Variants in IGSF21 observed in about 807,000 individuals in gnomAD.
IGSF21 encodes immunoglobin superfamily member 21.
A neutral mutation model predicts 46.8 loss-of-function variants in IGSF21; 28 were observed. The observed-to-expected ratio is 0.60, with a 90% confidence interval of 0.44 to 0.82. The LOEUF (loss-of-function observed/expected upper bound fraction) is 0.82. IGSF21 is among the 40% of genes least tolerant of loss of function. IGSF21 has a pLI of 0.00. For synonymous variants in IGSF21, 284 were observed against 273.6 expected, an observed-to-expected ratio of 1.04 and a Z score of -0.38; for missense variants, 624 against 665.5, an observed-to-expected ratio of 0.94 and a Z score of 0.69.
intron 4 of IGSF21, among the ~76,000 whole-genome samples, chr1:18,359,380 A>C (rs927000440): frequency 1.2e-4 from 13 of 105,804 alleles, no homozygotes; most frequent in African/African-American, 5.0e-4. Flanking sequence ...GAAAGAAAGA[A>C]AGAAAGGAAG....
At chr1:18,316,691 G>A (rs1442041816) in intron 3 of IGSF21, among the ~76,000 whole-genome samples, 2 of 151,966 alleles carry the variant, frequency 1.3e-5, no homozygotes, top group Non-Finnish European at 2.9e-5. Context: ...TGTAACTCTG[G>A]GCATCTTATT....
At chr1:18,142,027 G>T (rs1570262333) in intron 1 of IGSF21, among the ~76,000 whole-genome samples, 1 of 152,078 alleles carries the variant, frequency 6.6e-6, no homozygotes, top group Non-Finnish European at 1.5e-5. Flanking sequence ...CCAAGATTGT[G>T]CCACTGCATT....
At chr1:18,153,040 C>T (rs1224002586) in intron 1 of IGSF21, among the ~76,000 whole-genome samples, 1 of 152,150 alleles carries the variant, frequency 6.6e-6, no homozygotes, top group South Asian at 2.1e-4. Context: ...TGCAGTGTGC[C>T]GGCCAACAAT....
At chr1:18,354,703 G>T (rs1178771753) in intron 4 of IGSF21, among the ~76,000 whole-genome samples, 4 of 151,998 alleles carry the variant, frequency 2.6e-5, no homozygotes, top group African/African-American at 2.4e-5. Context: ...AAGCACCTTC[G>T]TAGAGTGGTA....
At chr1:18,298,208 G>T (rs537664796) in intron 3 of IGSF21, among the ~76,000 whole-genome samples, 3 of 152,194 alleles carry the variant, frequency 2.0e-5, no homozygotes, top group Non-Finnish European at 4.4e-5. Flanking sequence ...GAAGGGTATG[G>T]CATGCTCTGA....
In IGSF21 at chr1:18,365,350, C is replaced by T; in HGVS notation, c.668C>T (p.Thr223Ile). Reference sequence around the variant, plus strand: ...CTTCTGCACCGTGACCTGGATGACACCAAGATGCAGAAGTCACTGTCCCTC... The same window carrying T: ...CTTCTGCACCGTGACCTGGATGACATCAAGATGCAGAAGTCACTGTCCCTC... The part of the protein sequence containing the change: ...RSLLHRDLDD[T>I]KMQKSLSLLD... Residue 223 changes from threonine to isoleucine, a missense_variant, in exon 6 of 10, where the codon ACC (threonine) becomes ATC (isoleucine). By Grantham distance (89) the Thr-to-Ile change is moderately conservative. Coordinates refer to ENST00000251296, the MANE Select transcript of IGSF21 (RefSeq NM_032880.5). The surrounding 1 kb of genome is among the most constrained non-coding windows in gnomAD (Gnocchi z 4.8). 6.2e-7 allele frequency: 1 copy of T among 1,614,144 alleles called. No homozygotes were observed. The highest frequency in any genetic ancestry group is 8.5e-7 in the Non-Finnish European group (1 of 1,180,024).
intron 4 of IGSF21, among the ~76,000 whole-genome samples, chr1:18,354,784 A>G (rs549030249): frequency 6.6e-6 from 1 of 152,318 alleles, no homozygotes; most frequent in South Asian, 2.1e-4. Context: ...AAATTCCCCT[A>G]TACATTGTTC....
intron 3 of IGSF21, among the ~76,000 whole-genome samples, chr1:18,306,601 C>G (rs990970879): frequency 2.0e-5 from 3 of 152,192 alleles, no homozygotes; most frequent in African/African-American, 7.2e-5. Flanking sequence ...CACCAGGCAG[C>G]CCCTCCCTAG....
intron 4 of IGSF21, among the ~76,000 whole-genome samples, chr1:18,355,892 A>G (rs2086012170): frequency 7.1e-6 from 1 of 141,300 alleles, no homozygotes; most frequent in African/African-American, 2.7e-5. Context: ...CTGCAGTGCA[A>G]TGGCACAGTC....
chr1:18,210,138 A>T (rs1483993290), intron 1 of IGSF21, among the ~76,000 whole-genome samples: 1 of 152,086 alleles, frequency 6.6e-6, no homozygotes, highest in Non-Finnish European at 1.5e-5. Context: ...CTCTTGCTGG[A>T]TGTAGGATGT....
At chr1:18,197,636 G>C (rs1336736452) in intron 1 of IGSF21, among the ~76,000 whole-genome samples, 1 of 152,244 alleles carries the variant, frequency 6.6e-6, no homozygotes, top group African/African-American at 2.4e-5. Flanking sequence ...GAATGCTCCA[G>C]AGAGGGCCTT....
At chr1:18,296,383 C>T (rs1266847034) in intron 3 of IGSF21, among the ~76,000 whole-genome samples, 1 of 152,062 alleles carries the variant, frequency 6.6e-6, no homozygotes, top group African/African-American at 2.4e-5. Context: ...GAAATGAAGA[C>T]CCACAGAAGT....
At chr1:18,375,027 C>T (rs1290287552) in intron 6 of IGSF21, among the ~76,000 whole-genome samples, 1 of 152,156 alleles carries the variant, frequency 6.6e-6, no homozygotes, top group East Asian at 1.9e-4. Flanking sequence ...GAATATGCCT[C>T]GTGAGCTTCA....
At chr1:18,315,305 C>T (rs907432734) in intron 3 of IGSF21, among the ~76,000 whole-genome samples, 10 of 152,142 alleles carry the variant, frequency 6.6e-5, no homozygotes, top group African/African-American at 2.4e-4. Flanking sequence ...ATAGCCTGGT[C>T]AGATCTTTCT....
Position 18,337,450 on chromosome 1 carries a change from T to C in IGSF21, c.424+2440T>C, listed in dbSNP as rs1262631057. ...TCACTGTCTCTGATGTGCCCACTCCTGGGCACAACTGTGTCTGCCTCCCTC... is the reference window on the plus strand; with the variant it reads ...TCACTGTCTCTGATGTGCCCACTCCCGGGCACAACTGTGTCTGCCTCCCTC... On this transcript the variant is annotated intron_variant, in intron 4 of 9. Transcript: ENST00000251296. The surrounding 1 kb of genome is among the most constrained non-coding windows in gnomAD (Gnocchi z 5.7). 4.6e-5 allele frequency among the ~76,000 whole-genome samples: 7 copies of C among 152,212 alleles called. No individual in the cohort carries two copies. The East Asian group carries it at 1.3e-3, about 29-fold the overall frequency.
At chr1:18,309,645 CT>C (rs1411889358) in intron 3 of IGSF21, among the ~76,000 whole-genome samples, 6 of 152,208 alleles carry the variant, frequency 3.9e-5, no homozygotes, top group Admixed American at 2.6e-4. Flanking sequence ...CCTCTGCACC[CT>C]GGGTGACCCT....
intron 1 of IGSF21, 137 bp from the exon 2 acceptor site, chr1:18,227,761 C>T: frequency 1.5e-6 from 1 of 661,508 alleles, no homozygotes; most frequent in Middle Eastern, 2.7e-4. Flanking sequence ...ACAGTGTGAA[C>T]AGCGTCCCTC....
chr1:18,365,093 T>G lies in IGSF21; in HGVS notation c.541-130T>G. ...GGGTGTTGAAGGGAAAAGAGTGGGG[T>G]GAGGGCTACTGTCTAGACTACTATG... On this transcript the variant is annotated intron_variant, in intron 5 of 9. Coordinates refer to ENST00000251296, the MANE Select transcript of IGSF21 (RefSeq NM_032880.5). The surrounding 1 kb of genome is among the most constrained non-coding windows in gnomAD (Gnocchi z 4.8). The G allele has an allele frequency of 1.5e-6, 1 of 681,222 alleles. No homozygotes were observed. The highest frequency in any genetic ancestry group is 2.7e-4 in the Middle Eastern group (1 of 3,714). The allele number at this position is 681,222 out of a possible 1,614,324, so 42.2% of individuals were successfully genotyped here. A position where few individuals can be genotyped will look rare whatever the true frequency, so the allele number is the denominator to read the frequency against.
At chr1:18,217,425 TCAGAGGA>T (rs1182682205) in intron 1 of IGSF21, among the ~76,000 whole-genome samples, 2 of 152,224 alleles carry the variant, frequency 1.3e-5, no homozygotes, top group African/African-American at 4.8e-5. Context: ...TGAGCTAGGT[TCAGAGGA>T]CTGTGTGTCA....
Sources: gnomAD v4.1 joint callset for allele counts (sites outside exome capture counted in the v4.1 genomes callset) on GRCh38, gnomAD v4.1.1 for gene constraint, Gnocchi (gnomAD v3.1) non-coding constraint, MANE v1.5 for transcripts, NCBI Gene and HGNC (gene_info 2026-07-23, HGNC 2026-07-21) for gene names.